The following RAP1A variants were observed in gnomAD, a reference collection of about 807,000 sequenced individuals.
RAP1A encodes ras-related protein Rap-1A.
A neutral mutation model predicts 26.4 loss-of-function variants in RAP1A; 6 were observed. That is an observed-to-expected ratio of 0.23 (90% CI 0.12 to 0.45). The LOEUF is 0.45. Among genes scored for constraint, RAP1A ranks in the 20% least tolerant of loss-of-function variants. The pLI is 0.99. For missense variants in RAP1A, 121 were observed against 217.2 expected (o/e 0.56, Z 2.78); for synonymous variants, 73 against 79.4 (o/e 0.92, Z 0.43).
At chr1:111,623,124 T>G (rs1381479789) in intron 1 of RAP1A, among the ~76,000 whole-genome samples, 1 of 151,770 alleles carries the variant, frequency 6.6e-6, no homozygotes, top group Non-Finnish European at 1.5e-5. Flanking sequence ...TTCAAGCGAT[T>G]CTCCTGTCTC....
intron 1 of RAP1A, among the ~76,000 whole-genome samples, chr1:111,555,090 G>A (rs1657427730): frequency 6.6e-6 from 1 of 151,996 alleles, no homozygotes; most frequent in Non-Finnish European, 1.5e-5. Flanking sequence ...GGCAGGCGGG[G>A]CACAGTGACT....
intron 1 of RAP1A, among the ~76,000 whole-genome samples, chr1:111,690,844 A>G (rs1208179665): frequency 6.6e-6 from 1 of 152,188 alleles, no homozygotes; most frequent in Non-Finnish European, 1.5e-5. Flanking sequence ...ATCTTTAATT[A>G]TTTTCAAGAT....
chr1:111,568,415 C>A (rs1203186689), intron 1 of RAP1A, among the ~76,000 whole-genome samples: 1 of 152,110 alleles, frequency 6.6e-6, no homozygotes, highest in South Asian at 2.1e-4. Context: ...ACACCCAGAT[C>A]TCAAGTGAAC....
chr1:111,663,851 A>G (rs1461548424), intron 1 of RAP1A, among the ~76,000 whole-genome samples: 3 of 152,150 alleles, frequency 2.0e-5, no homozygotes, highest in Admixed American at 2.0e-4. Flanking sequence ...GAAGGTTGCT[A>G]AAGTCTAAGA....
At chr1:111,601,242 T>C (rs1363539276) in intron 1 of RAP1A, among the ~76,000 whole-genome samples, 1 of 152,104 alleles carries the variant, frequency 6.6e-6, no homozygotes, top group Non-Finnish European at 1.5e-5. Flanking sequence ...ATCCAAGAAG[T>C]TGAATTTCAG....
chr1:111,608,685 G>T (rs1446417003), intron 1 of RAP1A: 1 of 164,760 alleles, frequency 6.1e-6, no homozygotes, highest in Non-Finnish European at 1.3e-5. Flanking sequence ...GATCACTCGC[G>T]GCTAGGAGCT....
chr1:111,552,878 C>A (rs953722736), intron 1 of RAP1A, among the ~76,000 whole-genome samples: 1 of 152,192 alleles, frequency 6.6e-6, no homozygotes, highest in Non-Finnish European at 1.5e-5. Flanking sequence ...ACTAGGCCTG[C>A]ATATAGTGAA....
intron 1 of RAP1A, among the ~76,000 whole-genome samples, chr1:111,587,427 C>A (rs188225356): frequency 6.6e-6 from 1 of 152,276 alleles, no homozygotes; most frequent in Admixed American, 6.5e-5. Context: ...CCTTCTTTCT[C>A]TCCTCTCAGG....
intron 1 of RAP1A, among the ~76,000 whole-genome samples, chr1:111,584,968 C>T (rs1424299479): frequency 1.3e-5 from 2 of 152,198 alleles, no homozygotes; most frequent in Admixed American, 1.3e-4. Context: ...TTCATTTTCA[C>T]ACCCTTTACT....
Position 111,713,275 on chromosome 1 carries a change from C to T in RAP1A, c.*874C>T, listed in dbSNP as rs913844270. On this transcript the variant is annotated 3_prime_UTR_variant, in exon 8 of 8. Transcript: ENST00000369709. ...TGGTGATTTCTCTAGGAACAGACCTCGCACTTTCTGTTCTAAATATATTTA... is the reference window on the plus strand; with the variant it reads ...TGGTGATTTCTCTAGGAACAGACCTTGCACTTTCTGTTCTAAATATATTTA... The T allele has an allele frequency of 3.9e-5, 6 of 152,132 alleles. No homozygotes were observed. The highest frequency in any genetic ancestry group is 9.7e-5 in the African/African-American group (4 of 41,424). The allele number at this position is 152,132 out of a possible 1,614,324, so 9.4% of individuals were successfully genotyped here. A position where few individuals can be genotyped will look rare whatever the true frequency, so the allele number is the denominator to read the frequency against.
chr1:111,643,207 CTTTA>C (rs1473128203), intron 1 of RAP1A, among the ~76,000 whole-genome samples: 1 of 152,144 alleles, frequency 6.6e-6, no homozygotes, highest in Admixed American at 6.6e-5. Flanking sequence ...ATTGTGTCTC[CTTTA>C]TTTATGAACA....
chr1:111,702,821 A>G (rs906418081), intron 4 of RAP1A, among the ~76,000 whole-genome samples: 7 of 152,144 alleles, frequency 4.6e-5, no homozygotes, highest in African/African-American at 1.7e-4. Context: ...TGGCCTTCCA[A>G]AGTGTTGGTA....
chr1:111,710,104 C>T (rs922428687), intron 7 of RAP1A, among the ~76,000 whole-genome samples: 8 of 152,124 alleles, frequency 5.3e-5, no homozygotes, highest in African/African-American at 1.2e-4. Flanking sequence ...CACCCTGCAA[C>T]GGTTTTTGAG....
At chr1:111,598,799 C>T (rs902059115) in intron 1 of RAP1A, among the ~76,000 whole-genome samples, 4 of 152,092 alleles carry the variant, frequency 2.6e-5, no homozygotes, top group Admixed American at 1.3e-4. Flanking sequence ...ATCTACCTGG[C>T]GATAGCAGTA....
intron 1 of RAP1A, among the ~76,000 whole-genome samples, chr1:111,641,591 A>G (rs901299454): frequency 2.0e-4 from 30 of 152,100 alleles, no homozygotes; most frequent in African/African-American, 6.0e-4. Context: ...CCAAGGGGCC[A>G]TCTTCCTCAG....
chr1:111,672,042 G>C (rs138406771), intron 1 of RAP1A, among the ~76,000 whole-genome samples: 6 of 152,230 alleles, frequency 3.9e-5, no homozygotes, highest in African/African-American at 1.4e-4. Flanking sequence ...AATTATCCAT[G>C]TACACTGGAA....
At chr1:111,580,379 G>A (rs1269741842) in intron 1 of RAP1A, among the ~76,000 whole-genome samples, 1 of 152,180 alleles carries the variant, frequency 6.6e-6, no homozygotes, top group African/African-American at 2.4e-5. Context: ...AGGAGATGAG[G>A]ATAATAAGTT....
At chr1:111,643,998 C>T (rs932907316) in intron 1 of RAP1A, among the ~76,000 whole-genome samples, 1 of 152,182 alleles carries the variant, frequency 6.6e-6, no homozygotes, top group African/African-American at 2.4e-5. Flanking sequence ...GAGTTTTGCT[C>T]TTAAGGCTTT....
chr1:111,643,929 T>C (rs924410645), intron 1 of RAP1A, among the ~76,000 whole-genome samples: 1 of 152,238 alleles, frequency 6.6e-6, no homozygotes, highest in African/African-American at 2.4e-5. Context: ...ACATTGCAGA[T>C]TCTGTAGCTG....
Sources: allele counts gnomAD v4.1 joint callset (sites outside exome capture counted in the v4.1 genomes callset), GRCh38; gene constraint gnomAD v4.1.1; transcripts MANE v1.5; gene names NCBI Gene and HGNC (gene_info 2026-07-23, HGNC 2026-07-21).